APBB2: variants seen among roughly 807,000 people sequenced by gnomAD.
APBB2 encodes Fe65-like 1.
In APBB2, 38 loss-of-function variants were observed where a neutral mutation model predicts 82.5. The observed-to-expected ratio is 0.46, with a 90% CI of 0.36 to 0.60. APBB2 has a LOEUF of 0.60. APBB2 is among the 20% of genes least tolerant of loss of function. The probability of loss-of-function intolerance (pLI) is 0.00; values close to 1 mark genes in which losing one functional copy is unlikely to be tolerated. For synonymous variants in APBB2, 341 were observed against 368.2 expected, an observed-to-expected ratio of 0.93 and a Z score of 0.85; for missense variants, 772 against 972.3, an observed-to-expected ratio of 0.79 and a Z score of 2.74.
chr4:40,985,936 A>G, intron 6 of APBB2, among the ~76,000 whole-genome samples: 1 of 152,198 alleles, frequency 6.6e-6, no homozygotes, highest in African/African-American at 2.4e-5. Flanking sequence ...TTAAGTACAG[A>G]CTTTTTCAAC....
In APBB2 at chr4:40,907,373, ATATATATTT is replaced by A. The variant is rs1156699938; in HGVS notation, c.1255-13971_1255-13963del. On this transcript the variant is annotated intron_variant, in intron 10 of 17. Coordinates refer to ENST00000508593, the MANE Select transcript of APBB2 (RefSeq NM_004307.2). ...CATATATATATATATATATATATATATATATATTTTTTTTTTTTTTTTTTTTTAGACAGA... is the reference window on the plus strand; with the variant it reads ...CATATATATATATATATATATATATATTTTTTTTTTTTTTTTTTAGACAGA... Among the ~76,000 whole-genome samples, 147 of 37,340 alleles carry A rather than the reference ATATATATTT, an allele frequency of 3.9e-3. 1 individual carries two copies. The highest frequency in any genetic ancestry group is 0.016 in the African/African-American group (121 of 7,412). 24.5% of individuals were successfully genotyped at this position (37,340 alleles called of 152,430 possible). A position where few individuals can be genotyped will look rare whatever the true frequency, so the allele number is the denominator to read the frequency against.
chr4:40,926,352 G>A (rs556586314), intron 10 of APBB2, among the ~76,000 whole-genome samples: 1 of 152,276 alleles, frequency 6.6e-6, no homozygotes, highest in African/African-American at 2.4e-5. Context: ...TCTGGATGAG[G>A]GTGAGAAGGA....
chr4:40,947,391 C>A (rs1213787671), intron 6 of APBB2, among the ~76,000 whole-genome samples: 1 of 152,210 alleles, frequency 6.6e-6, no homozygotes, highest in African/African-American at 2.4e-5. Flanking sequence ...ACCACTGAGA[C>A]ATTAGCGTGT....
intron 4 of APBB2, among the ~76,000 whole-genome samples, chr4:41,044,677 G>GTT (rs1184068401): frequency 6.6e-6 from 1 of 152,126 alleles, no homozygotes; most frequent in South Asian, 2.1e-4. Context: ...TTCTTTCAGC[G>GTT]TAAGAGTTTC....
chr4:40,979,707 A>T (rs1798021603), intron 6 of APBB2, among the ~76,000 whole-genome samples: 1 of 152,184 alleles, frequency 6.6e-6, no homozygotes, highest in African/African-American at 2.4e-5. Context: ...AGCCTGGCTT[A>T]TATCTAGCAA....
At chr4:40,942,916 A>G (rs1009231383) in intron 7 of APBB2, among the ~76,000 whole-genome samples, 3 of 151,964 alleles carry the variant, frequency 2.0e-5, no homozygotes, top group Non-Finnish European at 4.4e-5. Flanking sequence ...AAGAAATACA[A>G]CTCTGAGCTC....
At chr4:40,925,008 A>G (rs1441382126) in intron 10 of APBB2, among the ~76,000 whole-genome samples, 1 of 152,108 alleles carries the variant, frequency 6.6e-6, no homozygotes, top group Non-Finnish European at 1.5e-5. Context: ...GGGAGAGGGA[A>G]TCACTAACTC....
In APBB2 at chr4:40,852,300, G is replaced by A. The variant is rs569240614; in HGVS notation, c.1530-21723C>T. Among the ~76,000 whole-genome samples the A allele has an allele frequency of 1.6e-3, 237 of 147,350 alleles. 2 individuals are homozygous for A. Among genetic ancestry groups the A allele is most frequent in the African/African-American group, 5.8e-3 (229 of 39,752 alleles). On this transcript the variant is annotated intron_variant, in intron 12 of 17. Transcript: ENST00000508593. ...CGGGAGGCGAAGGCTGCAGGGGGCCGAGATCGTGACACTGCACTCCAGCCT... is the reference window on the plus strand; with the variant it reads ...CGGGAGGCGAAGGCTGCAGGGGGCCAAGATCGTGACACTGCACTCCAGCCT...
intron 5 of APBB2, among the ~76,000 whole-genome samples, chr4:41,017,646 T>C (rs1673707573): frequency 6.7e-6 from 1 of 149,292 alleles, no homozygotes; most frequent in African/African-American, 2.6e-5. Context: ...TACGAGTTTA[T>C]AACAATAAAT....
At chr4:40,874,233 A>C (rs985601259) in intron 12 of APBB2, among the ~76,000 whole-genome samples, 1 of 152,240 alleles carries the variant, frequency 6.6e-6, no homozygotes, top group African/African-American at 2.4e-5. Context: ...AAAAAGGGAA[A>C]CATGATAAAC....
intron 1 of APBB2, among the ~76,000 whole-genome samples, chr4:41,183,341 T>C (rs544180013): frequency 6.8e-4 from 103 of 152,334 alleles, no homozygotes; most frequent in African/African-American, 2.0e-3. Context: ...TCAAAACCCA[T>C]TGACGGCTTT....
rs144128710 is a variant in APBB2 at position 40,916,312 on chromosome 4, A to AAGAC, written c.1254+18140_1254+18143dup. On this transcript the variant is annotated intron_variant, in intron 10 of 17. Transcript: ENST00000508593. ...GGAGACATCTCTCAGGCTAGACCTG[A>AAGAC]AGACAGACAGACAGACAGACAGACA... is the stretch of plus-strand genomic sequence containing the variant. 7.8e-4 allele frequency among the ~76,000 whole-genome samples: 118 copies of AAGAC among 151,778 alleles called. No homozygotes were observed. In the East Asian group the frequency reaches 9.1e-3, roughly 12 times the overall value.
chr4:40,995,576 CTT>C (rs1803410578), intron 6 of APBB2, among the ~76,000 whole-genome samples: 5 of 150,678 alleles, frequency 3.3e-5, no homozygotes, highest in Admixed American at 3.3e-4. Context: ...AACAGACTCA[CTT>C]TGTTGCCCAG....
chr4:41,075,005 T>A (rs1002268313), intron 3 of APBB2, among the ~76,000 whole-genome samples: 1 of 152,002 alleles, frequency 6.6e-6, no homozygotes, highest in Non-Finnish European at 1.5e-5. Flanking sequence ...TCTGGCCACG[T>A]GTCTGTAGTC....
chr4:40,927,853 T>C (rs575033580), intron 10 of APBB2, among the ~76,000 whole-genome samples: 3 of 152,210 alleles, frequency 2.0e-5, no homozygotes, highest in Non-Finnish European at 4.4e-5. Context: ...TACAGAAGTC[T>C]GAGCGGAGTT....
At position 40,906,498 on chromosome 4, in the gene APBB2, A is replaced by G. The variant is rs199610038; in HGVS notation, c.1255-13087T>C. 6.0e-3 allele frequency among the ~76,000 whole-genome samples: 911 copies of G among 151,208 alleles called. 36 individuals are homozygous for G. The highest frequency in any genetic ancestry group is 0.046 in the Admixed American group (685 of 15,048). ...AAAAAAAAAAAAAAAAGAAAAGAAA[A>G]GAAAAGAAAAAAGAAAACAAAAATT... On this transcript the variant is annotated intron_variant, in intron 10 of 17. Transcript: ENST00000508593.
At chr4:41,081,899 A>T (rs1214319782) in intron 3 of APBB2, among the ~76,000 whole-genome samples, 2 of 152,224 alleles carry the variant, frequency 1.3e-5, no homozygotes, top group Non-Finnish European at 2.9e-5. Context: ...CGTTTAAAAA[A>T]CTACAATTAA....
Position 40,832,136 on chromosome 4 carries a change from A to G in APBB2, c.1530-1559T>C, listed in dbSNP as rs537526383. ...CTAAGCCAGGATACTGTCTGGAGAT[A>G]TAACTACAGAGGAATTTTTAAATTA... On this transcript the variant is annotated intron_variant, in intron 12 of 17. Coordinates refer to ENST00000508593, the MANE Select transcript of APBB2 (RefSeq NM_004307.2). This position sits in a 1 kb window ranked among gnomAD's most constrained non-coding sequence, Gnocchi z 4.8. Among the ~76,000 whole-genome samples the G allele has an allele frequency of 2.3e-4, 35 of 152,254 alleles. No individual in the cohort carries two copies. The highest frequency in any genetic ancestry group is 7.9e-4 in the African/African-American group (33 of 41,548).
Position 40,829,569 on chromosome 4 carries a change from A to G in APBB2, c.1644+894T>C, listed in dbSNP as rs1319015788. ...TCTCCAGTCAGTACCTGGAAGTTCC[A>G]AGAGGAAGATTTCGGGTCAACATAA... On this transcript the variant is annotated intron_variant, in intron 13 of 17. Transcript: ENST00000508593. Among the ~76,000 whole-genome samples, 4 of 152,184 alleles carry G rather than the reference A, an allele frequency of 2.6e-5. No homozygotes were observed. In the South Asian group the frequency reaches 8.3e-4, roughly 32 times the overall value.
Sources: gnomAD v4.1 joint callset for allele counts (sites outside exome capture counted in the v4.1 genomes callset) on GRCh38, gnomAD v4.1.1 for gene constraint, Gnocchi (gnomAD v3.1) non-coding constraint, MANE v1.5 for transcripts, NCBI Gene and HGNC (gene_info 2026-07-23, HGNC 2026-07-21) for gene names.